Variants in FAM107B observed in about 807,000 individuals in gnomAD.
FAM107B encodes protein FAM107B.
FAM107B carries 21 observed loss-of-function variants against 31.5 expected under a neutral mutation model. The observed-to-expected ratio is 0.67, with a 90% CI of 0.47 to 0.96. FAM107B has a LOEUF of 0.96. Ranked by LOEUF, FAM107B falls within the 40% of genes least tolerant of loss-of-function variation. The probability of loss-of-function intolerance (pLI) is 0.00; values close to 1 mark genes in which losing one functional copy is unlikely to be tolerated. For synonymous variants in FAM107B, 157 were observed against 141.5 expected (o/e 1.11, Z -0.78); for missense variants, 452 against 377.1 (o/e 1.20, Z -1.64).
At chr10:14,623,061 T>C (rs79990997) in intron 2 of FAM107B, among the ~76,000 whole-genome samples, 1 of 152,194 alleles carries the variant, frequency 6.6e-6, no homozygotes, top group African/African-American at 2.4e-5. Context: ...CACACCTAAT[T>C]TGACAGCATT....
chr10:14,570,830 C>T (rs1336291239), intron 2 of FAM107B, among the ~76,000 whole-genome samples: 2 of 148,814 alleles, frequency 1.3e-5, no homozygotes, highest in African/African-American at 4.9e-5. Flanking sequence ...TTAAACTCAG[C>T]ACATATCAGT....
intron 2 of FAM107B, chr10:14,556,428 C>T (rs912568211): frequency 2.0e-6 from 2 of 985,324 alleles, no homozygotes; most frequent in Non-Finnish European, 2.4e-6. Context: ...ATACACCAGT[C>T]AGCACTCAGC....
intron 2 of FAM107B, among the ~76,000 whole-genome samples, chr10:14,646,160 T>C (rs754544555): frequency 3.9e-5 from 6 of 152,232 alleles, no homozygotes; most frequent in Non-Finnish European, 8.8e-5. Context: ...TAGTTACATG[T>C]GTATGCATCT....
intron 2 of FAM107B, among the ~76,000 whole-genome samples, chr10:14,618,521 C>T (rs1204907496): frequency 6.6e-6 from 1 of 152,090 alleles, no homozygotes; most frequent in East Asian, 1.9e-4. Flanking sequence ...CTCCAGTCTT[C>T]GAATGTGACC....
At chr10:14,722,650 C>T (rs1463591835) in intron 1 of FAM107B, among the ~76,000 whole-genome samples, 1 of 152,060 alleles carries the variant, frequency 6.6e-6, no homozygotes, top group Non-Finnish European at 1.5e-5. Flanking sequence ...AAATCCTTTG[C>T]CCATTTTTAA....
chr10:14,572,761 T>TATATATATATATATATATATATG (rs1554835550), intron 2 of FAM107B, among the ~76,000 whole-genome samples: 1 of 76,052 alleles, frequency 1.3e-5, no homozygotes, highest in Non-Finnish European at 2.7e-5. Context: ...ATATATATAT[T>TATATATATATATATATATATATG]AGAGTGTGTG....
At chr10:14,626,298 A>C (rs1853159445) in intron 2 of FAM107B, among the ~76,000 whole-genome samples, 2 of 152,116 alleles carry the variant, frequency 1.3e-5, no homozygotes, top group South Asian at 4.1e-4. Context: ...AAACAATAAA[A>C]ACAATGCTGG....
chr10:14,760,609 A>G (rs1833024256), intron 1 of FAM107B, among the ~76,000 whole-genome samples: 2 of 149,840 alleles, frequency 1.3e-5, no homozygotes, highest in Admixed American at 1.3e-4. Context: ...GTTTTTTCAC[A>G]ATTTTAGCTT....
chr10:14,649,666 G>T (rs1388579516), intron 2 of FAM107B, among the ~76,000 whole-genome samples: 1 of 152,130 alleles, frequency 6.6e-6, no homozygotes, highest in Non-Finnish European at 1.5e-5. Flanking sequence ...ACCTTTTCCA[G>T]ACTGAACCAA....
At chr10:14,747,940 C>T (rs1832759612) in intron 1 of FAM107B, among the ~76,000 whole-genome samples, 1 of 152,218 alleles carries the variant, frequency 6.6e-6, no homozygotes, top group Non-Finnish European at 1.5e-5. Context: ...CCTCCATCCC[C>T]AGCCCACCAA....
At chr10:14,650,723 T>C (rs1853877457) in intron 2 of FAM107B, among the ~76,000 whole-genome samples, 1 of 152,240 alleles carries the variant, frequency 6.6e-6, no homozygotes. Context: ...ATGGTAAACA[T>C]TTTTATATCC....
chr10:14,560,672 T>C (rs1850166433), intron 2 of FAM107B, among the ~76,000 whole-genome samples: 2 of 152,192 alleles, frequency 1.3e-5, no homozygotes, highest in African/African-American at 4.8e-5. Flanking sequence ...TTTAGGCCCA[T>C]GGATTAAAAA....
chr10:14,667,529 G>T, intron 2 of FAM107B, 105 bp downstream of exon 2: 1 of 1,115,994 alleles, frequency 9.0e-7, no homozygotes, highest in Non-Finnish European at 1.3e-6. Flanking sequence ...CCAATCATTT[G>T]GAACATACAG....
chr10:14,522,299 T>G (rs1457021740), intron 3 of FAM107B: 34 of 390,192 alleles, frequency 8.7e-5, no homozygotes, highest in Admixed American at 7.7e-4. Context: ...AGGAGGGCAG[T>G]GAGGGTGGGG....
chr10:14,696,851 C>A (rs1855278104), intron 1 of FAM107B, among the ~76,000 whole-genome samples: 1 of 152,198 alleles, frequency 6.6e-6, no homozygotes, highest in South Asian at 2.1e-4. Flanking sequence ...GTCCCGTAGG[C>A]TGTGCCCAGG....
At chr10:14,545,488 C>T (rs1433674207) in intron 2 of FAM107B, among the ~76,000 whole-genome samples, 1 of 152,168 alleles carries the variant, frequency 6.6e-6, no homozygotes, top group African/African-American at 2.4e-5. Flanking sequence ...TCTAAGTGAA[C>T]ATTAAATACC....
At chr10:14,693,255 C>T (rs927432526) in intron 1 of FAM107B, among the ~76,000 whole-genome samples, 8 of 152,186 alleles carry the variant, frequency 5.3e-5, no homozygotes, top group Admixed American at 1.3e-4. Flanking sequence ...GTGGGTGGAT[C>T]TCCTGAGGTC....
chr10:14,639,632 C>T (rs767052664), intron 2 of FAM107B, among the ~76,000 whole-genome samples: 4 of 152,172 alleles, frequency 2.6e-5, no homozygotes, highest in South Asian at 4.1e-4. Context: ...CATTCCAATT[C>T]CAGCCTTGCT....
intron 1 of FAM107B, among the ~76,000 whole-genome samples, chr10:14,732,267 G>A (rs560223978): frequency 3.9e-5 from 6 of 152,280 alleles, no homozygotes; most frequent in East Asian, 1.9e-4. Flanking sequence ...GCAAGCAAGC[G>A]TGAGGACATG....
Sources: allele counts gnomAD v4.1 joint callset (sites outside exome capture counted in the v4.1 genomes callset), GRCh38; gene constraint gnomAD v4.1.1; transcripts MANE v1.5; gene names NCBI Gene and HGNC (gene_info 2026-07-23, HGNC 2026-07-21).